Variants in HNRNPR observed in about 807,000 individuals in gnomAD.
HNRNPR encodes the protein heterogeneous nuclear ribonucleoprotein R.
In HNRNPR, 4 loss-of-function variants were observed where a neutral mutation model predicts 70.3. The ratio of observed to expected loss-of-function variants is 0.06; its 90% CI spans 0.03 to 0.13. The LOEUF (loss-of-function observed/expected upper bound fraction) is 0.13. Ranked by LOEUF, HNRNPR falls within the 10% of genes least tolerant of loss-of-function variation. The pLI is 1.00. For synonymous variants in HNRNPR, 241 were observed against 267.6 expected, an observed-to-expected ratio of 0.90 and a Z score of 0.97; for missense variants, 423 against 788.5, an observed-to-expected ratio of 0.54 and a Z score of 5.55.
rs1487580432 is a variant in HNRNPR, at chr1:23,304,982, G to A, written c.*5472C>T. On this transcript the variant is annotated 3_prime_UTR_variant, in exon 11 of 11. Coordinates refer to ENST00000302271, the MANE Select transcript of HNRNPR (RefSeq NM_005826.5). The stretch of plus-strand genomic sequence containing the variant: ...TACCTACATTATCGAAGAGGCTAGA[G>A]AAGTCCCTTTTGCCCAACCCTCATA... The A allele has an allele frequency of 6.6e-6, 1 of 152,196 alleles. No individual in the cohort carries two copies. Among genetic ancestry groups the A allele is most frequent in the Non-Finnish European group, 1.5e-5 (1 of 68,042 alleles). The allele number at this position is 152,196 out of a possible 1,614,324, so 9.4% of individuals were successfully genotyped here.
At chr1:23,336,031 G>T (rs1646463266) in intron 4 of HNRNPR, among the ~76,000 whole-genome samples, 1 of 147,840 alleles carries the variant, frequency 6.8e-6, no homozygotes, top group African/African-American at 2.5e-5. Flanking sequence ...GGAGGAGAAT[G>T]GCGTGAACCC....
chr1:23,311,336 GA>G lies in HNRNPR; in HGVS notation c.1168-15del. Reference sequence around the variant, plus strand: ...TTCATCCATAGCCTATAAAAAATTAGAAAAATTATTTTACAACGATATAAAA... The same window carrying G: ...TTCATCCATAGCCTATAAAAAATTAGAAAATTATTTTACAACGATATAAAA... On this transcript the variant is annotated splice_polypyrimidine_tract_variant and intron_variant, in intron 9 of 10. Transcript: ENST00000302271. 6.7e-7 allele frequency: 1 copy of G among 1,497,496 alleles called. No individual in the cohort carries two copies. The highest frequency in any genetic ancestry group is 9.2e-7 in the Non-Finnish European group (1 of 1,083,650). The allele number at this position is 1,497,496 out of a possible 1,614,324, so 92.8% of individuals were successfully genotyped here.
Position 23,323,643 on chromosome 1 carries a change from A to G in HNRNPR, c.588T>C (p.Leu196=). The G allele has an allele frequency of 1.2e-6, 2 of 1,614,026 alleles. No individual in the cohort carries two copies. The highest frequency in any genetic ancestry group is 1.7e-6 in the Non-Finnish European group (2 of 1,179,890). The change falls in exon 6 of 11, where the codon CTT becomes CTC. Residue 196 remains leucine, a synonymous_variant. Coordinates refer to ENST00000302271, the MANE Select transcript of HNRNPR (RefSeq NM_005826.5). The part of the protein sequence containing the change: ...EKAGPIWDLR[L]MMDPLSGQNR... ...TCTGACCGGACAGTGGATCCATCAT[A>G]AGACGTAGATCCCAAATGGGTCCGG...
At chr1:23,321,838 CTTGTT>C (rs572391527) in intron 6 of HNRNPR, among the ~76,000 whole-genome samples, 175 bp from the exon 7 acceptor site, 43 of 152,270 alleles carry the variant, frequency 2.8e-4, no homozygotes, top group African/African-American at 9.9e-4. Context: ...GTTACAGTCT[CTTGTT>C]TTAGTTTGGT....
chr1:23,327,359 T>A (rs1008904633), intron 5 of HNRNPR, among the ~76,000 whole-genome samples: 14 of 152,220 alleles, frequency 9.2e-5, no homozygotes, highest in Non-Finnish European at 4.4e-5. Context: ...TAGGCATTCA[T>A]GAAGTTTATA....
chr1:23,327,758 A>G (rs1409428352), intron 5 of HNRNPR, among the ~76,000 whole-genome samples: 2 of 151,986 alleles, frequency 1.3e-5, no homozygotes, highest in African/African-American at 4.8e-5. Context: ...TGTTAAGAAG[A>G]AGGAAAAAAC....
At chr1:23,335,953 T>C (rs1461927685) in intron 4 of HNRNPR, among the ~76,000 whole-genome samples, 2 of 145,896 alleles carry the variant, frequency 1.4e-5, no homozygotes, top group South Asian at 2.2e-4. Flanking sequence ...CCGTCTCTAC[T>C]AAAAATACAA....
chr1:23,306,595 AAAAACAAAAC>A lies in HNRNPR; in HGVS notation c.*3849_*3858del, dbSNP rs950627445. 3 of 152,018 alleles carry A rather than the reference AAAAACAAAAC, an allele frequency of 2.0e-5. No individual in the cohort carries two copies. Among genetic ancestry groups the A allele is most frequent in the Admixed American group, 6.6e-5 (1 of 15,254 alleles). The allele number at this position is 152,018 out of a possible 1,614,324, so 9.4% of individuals were successfully genotyped here. On this transcript the variant is annotated 3_prime_UTR_variant, in exon 11 of 11. Coordinates refer to ENST00000302271, the MANE Select transcript of HNRNPR (RefSeq NM_005826.5). ...CATCTGAAAATGATTAAAAAAACAA[AAAAACAAAAC>A]AAAACAAAACAAAACCAGAGCTTCT...
chr1:23,312,617 G>A lies in HNRNPR; in HGVS notation c.1167+936C>T, dbSNP rs546376275. 7.2e-5 allele frequency among the ~76,000 whole-genome samples: 11 copies of A among 152,230 alleles called. 1 individual carries two copies. The South Asian group carries it at 2.1e-3, about 29-fold the overall frequency. On this transcript the variant is annotated intron_variant, in intron 9 of 10. Transcript: ENST00000302271. ...AGTTATGAATTTTATGAACAATACT[G>A]CCTCATTAATTAGCTACCATCAATG...
rs1046650923 is a variant in HNRNPR, at chr1:23,308,564, C to T, written c.*1890G>A. 1.3e-5 allele frequency: 2 copies of T among 152,030 alleles called. No individual in the cohort carries two copies. The highest frequency in any genetic ancestry group is 1.5e-5 in the Non-Finnish European group (1 of 67,912). The allele number at this position is 152,030 out of a possible 1,614,324, so 9.4% of individuals were successfully genotyped here. The stretch of plus-strand genomic sequence containing the variant: ...GCATAAGAAAAACAACTGGATCTGT[C>T]TTACCAAAGAAATACCCATGTTAAC... On this transcript the variant is annotated 3_prime_UTR_variant, in exon 11 of 11. Coordinates refer to ENST00000302271, the MANE Select transcript of HNRNPR (RefSeq NM_005826.5).
intron 4 of HNRNPR, among the ~76,000 whole-genome samples, chr1:23,334,239 T>TC (rs1646368163): frequency 7.0e-6 from 1 of 142,346 alleles, no homozygotes; most frequent in Admixed American, 6.9e-5. Context: ...GTGTACTTTT[T>TC]TTTTTTTTTT....
At position 23,308,757 on chromosome 1, in the gene HNRNPR, A is replaced by C. The variant is rs1006768160; in HGVS notation, c.*1697T>G. On this transcript the variant is annotated 3_prime_UTR_variant, in exon 11 of 11. Transcript: ENST00000302271. ...AGTAATCTTAAATTGAAATGAAAAG[A>C]AGCCATGAAACCCAATATGATCTAG... The C allele has an allele frequency of 6.6e-6, 1 of 152,094 alleles. No homozygotes were observed. The highest frequency in any genetic ancestry group is 1.9e-4 in the East Asian group (1 of 5,204). The allele number at this position is 152,094 out of a possible 1,614,324, so 9.4% of individuals were successfully genotyped here.
chr1:23,343,663 G>A (rs568155743), intron 1 of HNRNPR, among the ~76,000 whole-genome samples: 5 of 152,310 alleles, frequency 3.3e-5, no homozygotes, highest in Admixed American at 6.5e-5. Context: ...AATGTGGGAG[G>A]GGAGGGAGGC....
Position 23,331,405 on chromosome 1 carries a change from T to TAAAAAAAAA in HNRNPR, c.498+2104_498+2112dup, listed in dbSNP as rs59528152. 6.4e-4 allele frequency among the ~76,000 whole-genome samples: 81 copies of TAAAAAAAAA among 127,234 alleles called. 3 individuals carry two copies. The highest frequency in any genetic ancestry group is 1.9e-3 in the African/African-American group (65 of 33,372). The allele number at this position is 127,234 out of a possible 152,430, so 83.5% of individuals were successfully genotyped here. A position where few individuals can be genotyped will look rare whatever the true frequency, so the allele number is the denominator to read the frequency against. ...GGGAGACTCCATCTCCACAAAAAATTAAAAAAAAAAAAAAAAATAGCTGGG... is the reference window on the plus strand; with the variant it reads ...GGGAGACTCCATCTCCACAAAAAATTAAAAAAAAAAAAAAAAAAAAAAAAAATAGCTGGG... On this transcript the variant is annotated intron_variant, in intron 5 of 10. Coordinates refer to ENST00000302271, the MANE Select transcript of HNRNPR (RefSeq NM_005826.5).
chr1:23,342,908 G>T (rs1055257295), intron 1 of HNRNPR, among the ~76,000 whole-genome samples: 6 of 152,114 alleles, frequency 3.9e-5, no homozygotes, highest in African/African-American at 1.4e-4. Flanking sequence ...GGCTCTACAA[G>T]TTGATACTGA....
At position 23,310,538 on chromosome 1, in the gene HNRNPR, T is replaced by C. The variant is rs762903924; in HGVS notation, c.1818A>G (p.Gln606=). Residue 606 remains glutamine (Q), a synonymous_variant, in exon 11 of 11, where the codon CAA becomes CAG. Transcript: ENST00000302271. This position sits in a 1 kb window ranked among gnomAD's most constrained non-coding sequence, Gnocchi z 6.0. ...SQPIAQQPLQ[Q]GGDYSGNYGY... ...CATAGTTACCAGAATAGTCACCACC[T>C]TGCTGAAGCGGCTGCTGAGCGATGG... is the stretch of plus-strand genomic sequence containing the variant. 4 of 1,614,086 alleles carry C rather than the reference T, an allele frequency of 2.5e-6. No individual in the cohort carries two copies. Among genetic ancestry groups the C allele is most frequent in the Non-Finnish European group, 3.4e-6 (4 of 1,180,030 alleles).
chr1:23,328,615 T>C lies in HNRNPR; in HGVS notation c.499-4883A>G, dbSNP rs536621196. 6.9e-4 allele frequency among the ~76,000 whole-genome samples: 105 copies of C among 152,308 alleles called. 5 individuals carry two copies. The highest frequency in any genetic ancestry group is 5.5e-3 in the Admixed American group (84 of 15,296). ...CCCAGATTCAAGCAATTCTCCTGTG[T>C]TGGCTTCCTGAGTAGCTGGGACTAC... On this transcript the variant is annotated intron_variant, in intron 5 of 10. Transcript: ENST00000302271.
chr1:23,309,260 A>G lies in HNRNPR; in HGVS notation c.*1194T>C, dbSNP rs1198876438. ...CAAATTTACATAGTAATAGGAAATTATATTCCTAAACCAGTAACTGAAATG... is the reference window on the plus strand; with the variant it reads ...CAAATTTACATAGTAATAGGAAATTGTATTCCTAAACCAGTAACTGAAATG... On this transcript the variant is annotated 3_prime_UTR_variant, in exon 11 of 11. Transcript: ENST00000302271. 1 of 152,164 alleles carries G rather than the reference A, an allele frequency of 6.6e-6. No homozygotes were observed. Among genetic ancestry groups the G allele is most frequent in the Non-Finnish European group, 1.5e-5 (1 of 67,984 alleles). 9.4% of individuals were successfully genotyped at this position (152,164 alleles called of 1,614,324 possible). A position where few individuals can be genotyped will look rare whatever the true frequency, so the allele number is the denominator to read the frequency against.
chr1:23,322,864 G>A (rs1364794706), intron 6 of HNRNPR, among the ~76,000 whole-genome samples: 1 of 152,174 alleles, frequency 6.6e-6, no homozygotes, highest in Admixed American at 6.5e-5. Flanking sequence ...AGATAGCTGT[G>A]TCTTAAATAC....
Sources: gnomAD v4.1 joint callset for allele counts (sites outside exome capture counted in the v4.1 genomes callset) on GRCh38, gnomAD v4.1.1 for gene constraint, Gnocchi (gnomAD v3.1) non-coding constraint, MANE v1.5 for transcripts, NCBI Gene and HGNC (gene_info 2026-07-23, HGNC 2026-07-21) for gene names.